ANKRD55: variants seen among roughly 807,000 people sequenced by gnomAD.
ANKRD55 encodes the protein ankyrin repeat domain-containing protein 55.
A neutral mutation model predicts 60.6 loss-of-function variants in ANKRD55; 41 were observed. The ratio of observed to expected loss-of-function variants is 0.68; its 90% CI spans 0.53 to 0.88. The LOEUF is 0.88. ANKRD55 is among the 40% of genes least tolerant of loss of function. The probability of loss-of-function intolerance (pLI) is 0.00; values close to 1 mark genes in which losing one functional copy is unlikely to be tolerated. For missense variants in ANKRD55, 732 were observed against 767.6 expected (o/e 0.95, Z 0.55); for synonymous variants, 264 against 290.3 (o/e 0.91, Z 0.92).
chr5:56,133,438 C>CAAAAAAA (rs56100693), intron 7 of ANKRD55, among the ~76,000 whole-genome samples: 1 of 59,464 alleles, frequency 1.7e-5, no homozygotes, highest in Admixed American at 1.8e-4. Context: ...GACTCCGTCT[C>CAAAAAAA]AAAAAAAAAA....
intron 8 of ANKRD55, 108 bp downstream of exon 8, chr5:56,126,814 A>T (rs1757272907): frequency 1.6e-6 from 2 of 1,213,092 alleles, no homozygotes; most frequent in Admixed American, 2.6e-5. Flanking sequence ...TATTACTGGC[A>T]ATAGGGATAT....
At position 56,232,880 on chromosome 5, in the gene ANKRD55, G is replaced by A; in HGVS notation, c.34C>T (p.Pro12Ser). The A allele has an allele frequency of 1.2e-6, 2 of 1,614,104 alleles. No homozygotes were observed. The highest frequency in any genetic ancestry group is 1.7e-6 in the Non-Finnish European group (2 of 1,180,018). ...CCTCTTTGCTGATCAAACACAGAAG[G>A]GGTGCTGAAATCCATGGTAGCCTGT... ...MRQATMDFST[P>S]SVFDQQRGDS... The change falls in exon 2 of 12, where the codon CCT becomes TCT. Residue 12 changes from proline (P) to serine (S), a missense_variant. By Grantham distance (74) the Pro-to-Ser change is moderately conservative. Around this residue, in one of 3 missense-constraint regions of ANKRD55, gnomAD observed 131 missense variants for 142.7 expected, o/e 0.92. Transcript: ENST00000341048.
intron 3 of ANKRD55, 137 bp from the exon 4 acceptor site, chr5:56,176,419 G>C (rs1451998440): frequency 3.5e-6 from 3 of 863,120 alleles, no homozygotes; most frequent in Non-Finnish European, 5.4e-6. Context: ...GGGAGATGAA[G>C]CTGATTGTTG....
chr5:56,206,139 T>C (rs1010043852), intron 2 of ANKRD55, among the ~76,000 whole-genome samples: 1 of 151,574 alleles, frequency 6.6e-6, no homozygotes, highest in Middle Eastern at 3.2e-3. Flanking sequence ...CCACGACTGG[T>C]TAATTTTTTG....
intron 10 of ANKRD55, among the ~76,000 whole-genome samples, chr5:56,104,137 G>A (rs1381912211): frequency 6.6e-6 from 1 of 152,068 alleles, no homozygotes; most frequent in African/African-American, 2.4e-5. Flanking sequence ...TAAAACCAAC[G>A]AGATAATAAT....
intron 8 of ANKRD55, among the ~76,000 whole-genome samples, chr5:56,117,732 G>A (rs1437876542): frequency 3.3e-5 from 5 of 152,190 alleles, no homozygotes; most frequent in Admixed American, 6.5e-5. Context: ...GATTATAGGC[G>A]TGAGCCACCA....
intron 7 of ANKRD55, among the ~76,000 whole-genome samples, chr5:56,142,490 A>T (rs559166613): frequency 1.3e-5 from 2 of 152,232 alleles, no homozygotes; most frequent in East Asian, 3.9e-4. Flanking sequence ...TGGGGCTGGG[A>T]TGGTGGAAGG....
chr5:56,147,035 C>G (rs576035003), intron 6 of ANKRD55, among the ~76,000 whole-genome samples: 3 of 152,290 alleles, frequency 2.0e-5, no homozygotes, highest in African/African-American at 4.8e-5. Context: ...GAAACCCCCC[C>G]ACAAAACCCA....
chr5:56,173,802 T>C (rs916053331), intron 4 of ANKRD55, among the ~76,000 whole-genome samples: 2 of 151,894 alleles, frequency 1.3e-5, no homozygotes, highest in Non-Finnish European at 2.9e-5. Context: ...CCTCTTGGCC[T>C]CCCAAAGTAG....
At chr5:56,214,714 A>G (rs1349080547) in intron 2 of ANKRD55, among the ~76,000 whole-genome samples, 3 of 152,146 alleles carry the variant, frequency 2.0e-5, no homozygotes. Flanking sequence ...ATATTCACTA[A>G]GATTCCTTCT....
intron 2 of ANKRD55, among the ~76,000 whole-genome samples, chr5:56,220,658 C>T (rs909790568): frequency 7.9e-5 from 12 of 151,996 alleles, no homozygotes; most frequent in African/African-American, 2.4e-4. Flanking sequence ...TACAAAAATA[C>T]GAAAATTAGA....
intron 8 of ANKRD55, among the ~76,000 whole-genome samples, chr5:56,126,322 A>T (rs1250598872): frequency 2.6e-5 from 4 of 152,326 alleles, no homozygotes; most frequent in African/African-American, 9.6e-5. Context: ...CAGTTTAGAT[A>T]AGCAGGGCAT....
intron 6 of ANKRD55, among the ~76,000 whole-genome samples, chr5:56,150,863 C>A (rs1422580904): frequency 6.6e-6 from 1 of 152,222 alleles, no homozygotes; most frequent in Non-Finnish European, 1.5e-5. Context: ...CGCACCACTG[C>A]ACTCCAGCCT....
intron 2 of ANKRD55, among the ~76,000 whole-genome samples, chr5:56,186,090 C>T (rs1050460423): frequency 6.6e-6 from 1 of 152,212 alleles, no homozygotes; most frequent in Non-Finnish European, 1.5e-5. Context: ...AGGCAGACAA[C>T]CTCAGTATCA....
At chr5:56,135,356 T>C (rs775962639) in intron 7 of ANKRD55, among the ~76,000 whole-genome samples, 14 of 53,720 alleles carry the variant, frequency 2.6e-4, no homozygotes, top group African/African-American at 8.2e-4. Context: ...TCTTTCTTTC[T>C]TTCTTTCTTT....
intron 3 of ANKRD55, among the ~76,000 whole-genome samples, chr5:56,182,953 G>C (rs537272254): frequency 6.6e-6 from 1 of 152,178 alleles, no homozygotes; most frequent in East Asian, 1.9e-4. Context: ...TGTTTTTCTT[G>C]CTGTTTGGTC....
At chr5:56,221,918 G>A (rs986810820) in intron 2 of ANKRD55, among the ~76,000 whole-genome samples, 4 of 152,220 alleles carry the variant, frequency 2.6e-5, no homozygotes, top group Non-Finnish European at 5.9e-5. Flanking sequence ...CACCTCTGGG[G>A]GCAGGGCATA....
rs532800434 is a variant in ANKRD55, at chr5:56,227,328, G to T, written c.58+5528C>A. ...ACAGGGTGGGGAACACCACACACCC[G>T]GGCCTGTTGTGGGGTAGGGGGAGGG... is the stretch of plus-strand genomic sequence containing the variant. On this transcript the variant is annotated intron_variant, in intron 2 of 11. Coordinates refer to ENST00000341048, the MANE Select transcript of ANKRD55 (RefSeq NM_024669.3). Among the ~76,000 whole-genome samples the T allele has an allele frequency of 4.3e-4, 62 of 143,556 alleles. 1 individual carries two copies. The South Asian group carries it at 9.2e-3, about 21-fold the overall frequency. The allele number at this position is 143,556 out of a possible 152,430, so 94.2% of individuals were successfully genotyped here. A position where few individuals can be genotyped will look rare whatever the true frequency, so the allele number is the denominator to read the frequency against.
rs2111646922 is a variant in ANKRD55 at position 56,100,192 on chromosome 5, A to G, written c.1836T>C (p.Asp612=). 4 of 1,614,178 alleles carry G rather than the reference A, an allele frequency of 2.5e-6. No individual in the cohort carries two copies. In the South Asian group the frequency reaches 3.3e-5, roughly 13 times the overall value. The change falls in exon 12 of 12, where the codon GAT becomes GAC. Residue 612 remains aspartate (D), a synonymous_variant. Transcript: ENST00000341048. ...AGCGAGTGGCCCACAGTTAATTTTC[A>G]TCACTGGTGGGGTTGGCAGAATGTT... The part of the protein sequence containing the change: ...ESEHSANPTS[D]EN
Sources: allele counts gnomAD v4.1 joint callset (sites outside exome capture counted in the v4.1 genomes callset), GRCh38; gene constraint gnomAD v4.1.1; regional missense constraint gnomAD v4.1.1; transcripts MANE v1.5; gene names NCBI Gene and HGNC (gene_info 2026-07-23, HGNC 2026-07-21).